CELF2: variants seen among roughly 807,000 people sequenced by gnomAD.
The protein encoded by CELF2 is CUGBP Elav-like family member 2, also known as CUG triplet repeat RNA-binding protein 2.
A neutral mutation model predicts 62.6 loss-of-function variants in CELF2; 8 were observed. The ratio of observed to expected loss-of-function variants is 0.13; its 90% CI spans 0.07 to 0.23. CELF2 has a LOEUF of 0.23. CELF2 is among the 10% of genes least tolerant of loss of function. CELF2 has a pLI of 1.00. For synonymous variants in CELF2, 258 were observed against 250.0 expected (o/e 1.03, Z -0.30); for missense variants, 333 against 671.0 (o/e 0.50, Z 5.56).
Position 11,156,471 on chromosome 10 carries a change from G to T in CELF2, c.75-9015G>T, listed in dbSNP as rs666871. Among the ~76,000 whole-genome samples the T allele has an allele frequency of 6.6e-6, 1 of 151,578 alleles. No individual in the cohort carries two copies. Among genetic ancestry groups the T allele is most frequent in the Non-Finnish European group, 1.5e-5 (1 of 67,892 alleles). ...GCCCTCTTATTTAATACCCTGCAAC[G>T]CCCTCCCCTGCATGCTTTATTTGTC... is the stretch of plus-strand genomic sequence containing the variant. On this transcript the variant is annotated intron_variant, in intron 1 of 12. Coordinates refer to ENST00000633077, the MANE Select transcript of CELF2 (RefSeq NM_001326342.2). The surrounding 1 kb of genome is among the most constrained non-coding windows in gnomAD (Gnocchi z 4.3).
chr10:10,543,503 T>C, the CELF2 span, among the ~76,000 whole-genome samples: 1 of 152,162 alleles, frequency 6.6e-6, no homozygotes, highest in South Asian at 2.1e-4. Flanking sequence ...GAAACTCACA[T>C]GTAAACAACA....
intron 1 of CELF2, among the ~76,000 whole-genome samples, chr10:11,051,138 A>G (rs1265630053): frequency 6.6e-6 from 1 of 152,160 alleles, no homozygotes; most frequent in Non-Finnish European, 1.5e-5. Flanking sequence ...GGGAGGGGTA[A>G]GGATTGTGAG....
chr10:10,710,667 G>C, the CELF2 span, among the ~76,000 whole-genome samples: 1 of 151,760 alleles, frequency 6.6e-6, no homozygotes, highest in South Asian at 2.1e-4. Flanking sequence ...ACTTTAAAAT[G>C]TCAGATTTTG....
intron 1 of CELF2, among the ~76,000 whole-genome samples, chr10:10,899,482 C>T (rs2062783747): frequency 6.6e-6 from 1 of 152,146 alleles, no homozygotes; most frequent in South Asian, 2.1e-4. Context: ...GAACAAGCTT[C>T]GTCTGCAGAG....
At chr10:10,744,123 G>T in the CELF2 span, among the ~76,000 whole-genome samples, 1 of 152,056 alleles carries the variant, frequency 6.6e-6, no homozygotes, top group Non-Finnish European at 1.5e-5. Flanking sequence ...GTTGCTCAAA[G>T]AAGCTCTAAA....
chr10:10,527,287 CA>C, the CELF2 span, among the ~76,000 whole-genome samples: 6 of 151,540 alleles, frequency 4.0e-5, no homozygotes, highest in East Asian at 1.9e-4. Flanking sequence ...ACTAAAAATA[CA>C]AAAAAAATTA....
At chr10:10,863,706 A>G (rs916169842) in intron 1 of CELF2, among the ~76,000 whole-genome samples, 1 of 152,174 alleles carries the variant, frequency 6.6e-6, no homozygotes, top group Non-Finnish European at 1.5e-5. Flanking sequence ...GACAAAGCCA[A>G]TTAGCCCTCA....
At chr10:11,240,610 A>AT (rs5783204) in intron 3 of CELF2, among the ~76,000 whole-genome samples, 59 of 150,910 alleles carry the variant, frequency 3.9e-4, no homozygotes, top group Middle Eastern at 3.4e-3. Flanking sequence ...CTCTAAAGCT[A>AT]TTTTTTTTTT....
chr10:10,485,119 C>A, the CELF2 span, among the ~76,000 whole-genome samples: 1 of 152,160 alleles, frequency 6.6e-6, no homozygotes, highest in East Asian at 1.9e-4. Flanking sequence ...ACAGAAGAGT[C>A]AACTCCTCAT....
chr10:10,597,300 C>T, the CELF2 span, among the ~76,000 whole-genome samples: 2 of 152,162 alleles, frequency 1.3e-5, no homozygotes, highest in Non-Finnish European at 2.9e-5. Context: ...ATTGATAGTA[C>T]ATTAGAAATG....
At chr10:10,913,858 A>AAGGAAGGAAGGAAGGAAGGAAG (rs1554880057) in intron 1 of CELF2, among the ~76,000 whole-genome samples, 1 of 101,146 alleles carries the variant, frequency 9.9e-6, no homozygotes, top group Non-Finnish European at 1.9e-5. Flanking sequence ...AGGGAAGGAG[A>AAGGAAGGAAGGAAGGAAGGAAG]GAAGGAAGGA....
At chr10:10,544,872 G>A in the CELF2 span, among the ~76,000 whole-genome samples, 19,422 of 152,144 alleles carry the variant, frequency 0.13, 1,587 homozygotes, top group East Asian at 0.32. Context: ...AATCACTCCC[G>A]AATTTGATAT....
chr10:11,086,699 T>A (rs879533600), intron 1 of CELF2, among the ~76,000 whole-genome samples: 1 of 150,194 alleles, frequency 6.7e-6, no homozygotes. Context: ...ACAGGGCTCA[T>A]TAATCTTGAT....
At chr10:11,108,660 C>A (rs2054317727) in intron 1 of CELF2, among the ~76,000 whole-genome samples, 2 of 152,168 alleles carry the variant, frequency 1.3e-5, no homozygotes, top group African/African-American at 2.4e-5. Flanking sequence ...GATGACTGGA[C>A]CCATTCATAC....
intron 1 of CELF2, among the ~76,000 whole-genome samples, chr10:11,128,365 C>T (rs973782681): frequency 6.6e-5 from 10 of 152,170 alleles, no homozygotes; most frequent in Non-Finnish European, 1.3e-4. Context: ...GCAATGTGGG[C>T]TCTTTTTTGG....
intron 1 of CELF2, among the ~76,000 whole-genome samples, chr10:10,799,900 G>T (rs1287952122): frequency 1.3e-5 from 2 of 152,184 alleles, no homozygotes; most frequent in African/African-American, 4.8e-5. Context: ...GTTAAAAGTG[G>T]TTCTGCACAG....
At chr10:11,234,285 C>CG (rs1328931727) in intron 3 of CELF2, among the ~76,000 whole-genome samples, 7 of 152,144 alleles carry the variant, frequency 4.6e-5, no homozygotes, top group African/African-American at 1.7e-4. Flanking sequence ...TGTCAGAGCC[C>CG]GGCTTAACAC....
intron 3 of CELF2, among the ~76,000 whole-genome samples, chr10:11,231,661 T>C (rs976001062): frequency 9.3e-5 from 14 of 150,528 alleles, no homozygotes; most frequent in Non-Finnish European, 1.8e-4. Flanking sequence ...AAAAAAATCC[T>C]GTTTACTTAG....
At chr10:10,756,862 G>A in the CELF2 span, among the ~76,000 whole-genome samples, 1 of 152,156 alleles carries the variant, frequency 6.6e-6, no homozygotes, top group African/African-American at 2.4e-5. Flanking sequence ...TAACTACGGG[G>A]ACTGGGCGCA....
Sources: allele counts gnomAD v4.1 joint callset (sites outside exome capture counted in the v4.1 genomes callset), GRCh38; gene constraint gnomAD v4.1.1; non-coding constraint Gnocchi (gnomAD v3.1); transcripts MANE v1.5; gene names NCBI Gene and HGNC (gene_info 2026-07-23, HGNC 2026-07-21).